CDC26: variants seen among roughly 807,000 people sequenced by gnomAD.
CDC26 encodes cell division cycle 26.
Under a neutral mutation model 8.0 loss-of-function variants are expected in CDC26, and 2 were observed. The observed-to-expected ratio is 0.25, with a 90% confidence interval of 0.10 to 0.79. The LOEUF (loss-of-function observed/expected upper bound fraction) is 0.79. Ranked by LOEUF, CDC26 falls within the 30% of genes least tolerant of loss-of-function variation. CDC26 has a pLI of 0.70. For missense variants in CDC26, 68 were observed against 106.0 expected, an observed-to-expected ratio of 0.64 and a Z score of 1.57; for synonymous variants, 19 against 34.9, an observed-to-expected ratio of 0.55 and a Z score of 1.60.
Position 113,267,315 on chromosome 9 carries a change from G to C in CDC26, c.206C>G (p.Pro69Arg). 6.3e-7 allele frequency: 1 copy of C among 1,581,542 alleles called. No individual in the cohort carries two copies. The highest frequency in any genetic ancestry group is 8.6e-7 in the Non-Finnish European group (1 of 1,163,322). Residue 69 changes from proline to arginine, a missense_variant, in exon 4 of 4, where the codon CCC becomes CGC. By Grantham distance (103) the Pro-to-Arg change is moderately radical. Transcript: ENST00000374206. ...TGAACGATTATTGGGCTTGGGTTGG[G>C]GTTTATAACCAATCCGATCATTGAT... ...QMINDRIGYK[P>R]QPKPNNRSSQ...
intron 3 of CDC26, among the ~76,000 whole-genome samples, chr9:113,270,781 G>C (rs1362920685): frequency 6.6e-6 from 1 of 152,204 alleles, no homozygotes; most frequent in Non-Finnish European, 1.5e-5. Context: ...GGCACAAAAT[G>C]AATCTGGAGA....
intron 1 of CDC26, among the ~76,000 whole-genome samples, chr9:113,273,646 A>G (rs1831993782): frequency 6.6e-6 from 1 of 151,968 alleles, no homozygotes; most frequent in African/African-American, 2.4e-5. Context: ...AGGCTCAAGT[A>G]CAGCTTTGGT....
intron 3 of CDC26, among the ~76,000 whole-genome samples, chr9:113,269,050 G>A (rs540233872): frequency 4.6e-5 from 7 of 152,034 alleles, no homozygotes; most frequent in South Asian, 2.1e-4. Flanking sequence ...CACCGCACCC[G>A]GCCCACAAAA....
intron 3 of CDC26, 46 bp from the exon 4 acceptor site, chr9:113,267,485 A>G (rs778782912): frequency 1.3e-6 from 2 of 1,569,164 alleles, no homozygotes; most frequent in Non-Finnish European, 1.7e-6. Context: ...TCTTTCAATT[A>G]GCAAATGTTT....
intron 3 of CDC26, among the ~76,000 whole-genome samples, 164 bp downstream of exon 3, chr9:113,272,263 A>T (rs1306626592): frequency 2.0e-5 from 3 of 152,028 alleles, no homozygotes; most frequent in African/African-American, 7.3e-5. Flanking sequence ...TACTAAAAAT[A>T]AAAAAATGAG....
chr9:113,271,890 T>C (rs774657602), intron 3 of CDC26, among the ~76,000 whole-genome samples: 4 of 152,084 alleles, frequency 2.6e-5, no homozygotes, highest in South Asian at 2.1e-4. Context: ...CAGTGTGGAG[T>C]ACAGTGGAGC....
intron 1 of CDC26, among the ~76,000 whole-genome samples, chr9:113,275,084 G>A (rs1270410908): frequency 6.6e-6 from 1 of 152,080 alleles, no homozygotes; most frequent in Non-Finnish European, 1.5e-5. Context: ...GTCTTTATTT[G>A]ACTTTGGCAC....
In CDC26 at chr9:113,275,417, T is replaced by C. The variant is rs12343330; in HGVS notation, c.-187A>G. 0.062 allele frequency: 19,190 copies of C among 309,728 alleles called. 839 individuals are homozygous for C. The highest frequency in any genetic ancestry group is 0.14 in the South Asian group (1,732 of 12,096). 19.2% of individuals were successfully genotyped at this position (309,728 alleles called of 1,614,324 possible). A position where few individuals can be genotyped will look rare whatever the true frequency, so the allele number is the denominator to read the frequency against. ...GCCGGCCTAGCCCCTTCCCGGAACC[T>C]CGGCTCCCCCCCAACGAAACTACTG... On this transcript the variant is annotated 5_prime_UTR_variant, in exon 1 of 4. Transcript: ENST00000374206.
chr9:113,269,552 T>TG (rs1831922503), intron 3 of CDC26, among the ~76,000 whole-genome samples: 1 of 142,538 alleles, frequency 7.0e-6, no homozygotes, highest in Non-Finnish European at 1.5e-5. Flanking sequence ...CTTTAGGGCA[T>TG]GACTGTCCCT....
intron 1 of CDC26, among the ~76,000 whole-genome samples, chr9:113,273,893 G>A (rs1832005305): frequency 6.8e-6 from 1 of 146,104 alleles, no homozygotes; most frequent in Non-Finnish European, 1.5e-5. Context: ...GTAATACTAT[G>A]TTAACAAAAA....
intron 3 of CDC26, among the ~76,000 whole-genome samples, chr9:113,268,996 G>A (rs779842028): frequency 9.9e-5 from 15 of 152,208 alleles, no homozygotes; most frequent in African/African-American, 3.4e-4. Context: ...CTCGTGATCC[G>A]CCTGCCTCGG....
chr9:113,267,757 G>A (rs1259097961), intron 3 of CDC26, among the ~76,000 whole-genome samples: 1 of 152,160 alleles, frequency 6.6e-6, no homozygotes, highest in African/African-American at 2.4e-5. Flanking sequence ...GGGAGGCTGA[G>A]GCGAGCGGAT....
At chr9:113,272,607 C>A in intron 2 of CDC26, 59 bp from the exon 3 acceptor site, 7 of 808,612 alleles carry the variant, frequency 8.7e-6, no homozygotes, top group South Asian at 4.5e-5. Flanking sequence ...AGATACAAAA[C>A]ATAAAATCAA....
chr9:113,268,035 T>C (rs1157829565), intron 3 of CDC26, among the ~76,000 whole-genome samples: 1 of 151,940 alleles, frequency 6.6e-6, no homozygotes, highest in Non-Finnish European at 1.5e-5. Flanking sequence ...CACAGTCTAA[T>C]AGGGAAACAG....
Position 113,272,445 on chromosome 9 carries a change from G to A in CDC26, c.63C>T (p.Asn21=). The change falls in exon 3 of 4, where the codon AAC becomes AAT. Residue 21 remains asparagine, a synonymous_variant. Transcript: ENST00000374206. ...LKLDDIEEFE[N]IRKDLETRKK... ...TTCATACCTCCAGGTCCTTTCGAAT[G>A]TTCTCAAACTCTTCAATGTCATCAA... 6.2e-7 allele frequency: 1 copy of A among 1,611,964 alleles called. No homozygotes were observed. Among genetic ancestry groups the A allele is most frequent in the South Asian group, 1.1e-5 (1 of 90,996 alleles).
Position 113,270,138 on chromosome 9 carries a change from A to C in CDC26, c.81+2289T>G, listed in dbSNP as rs1258668262. ...GAGCCTAACCCAGCTGGGGGCTGGAAGGAGTAAGAGTTAGCCTGGCAAAGA... is the reference window on the plus strand; with the variant it reads ...GAGCCTAACCCAGCTGGGGGCTGGACGGAGTAAGAGTTAGCCTGGCAAAGA... On this transcript the variant is annotated intron_variant, in intron 3 of 3. Transcript: ENST00000374206. Among the ~76,000 whole-genome samples the C allele has an allele frequency of 2.0e-5, 3 of 152,194 alleles. No individual in the cohort carries two copies. In the East Asian group the frequency reaches 5.8e-4, roughly 29 times the overall value.
chr9:113,268,888 G>A (rs1255624259), intron 3 of CDC26, among the ~76,000 whole-genome samples: 3 of 152,148 alleles, frequency 2.0e-5, no homozygotes, highest in Non-Finnish European at 4.4e-5. Flanking sequence ...TCAAGTAGTT[G>A]GGACTACAGG....
chr9:113,272,643 A>G (rs1027146911), intron 2 of CDC26, 95 bp from the exon 3 acceptor site: 28 of 613,520 alleles, frequency 4.6e-5, no homozygotes, highest in Non-Finnish European at 6.1e-5. Flanking sequence ...ACTAAAGTGA[A>G]TGGAAATATT....
intron 3 of CDC26, 152 bp downstream of exon 3, chr9:113,272,275 T>C (rs1362539770): frequency 4.9e-6 from 3 of 612,052 alleles, no homozygotes; most frequent in Non-Finnish European, 8.7e-6. Flanking sequence ...AAAAATGAGC[T>C]GGGCGTGCTG....
Sources: gnomAD v4.1 joint callset for allele counts (sites outside exome capture counted in the v4.1 genomes callset) on GRCh38, gnomAD v4.1.1 for gene constraint, MANE v1.5 for transcripts, NCBI Gene and HGNC (gene_info 2026-07-23, HGNC 2026-07-21) for gene names.